ZNF543: variants seen among roughly 807,000 people sequenced by gnomAD.
ZNF543 encodes zinc finger protein 543.
ZNF543 carries 10 observed loss-of-function variants against 13.4 expected under a neutral mutation model. The ratio of observed to expected loss-of-function variants is 0.75; its 90% CI spans 0.46 to 1.26. The LOEUF (loss-of-function observed/expected upper bound fraction) is 1.26, where lower values mean the gene tolerates loss of function less well. Among genes scored for constraint, ZNF543 ranks in the 50% most tolerant of loss-of-function variants. ZNF543 has a pLI of 0.00. For synonymous variants in ZNF543, 272 were observed against 264.7 expected (o/e 1.03, Z -0.27); for missense variants, 768 against 741.2 (o/e 1.04, Z -0.42).
At chr19:57,326,236 G>A (rs1302079830) in intron 2 of ZNF543, among the ~76,000 whole-genome samples, 1 of 152,170 alleles carries the variant, frequency 6.6e-6, no homozygotes, top group Admixed American at 6.5e-5. Context: ...AGGCTGGAGT[G>A]CAGTGGCATG....
Position 57,329,112 on chromosome 19 carries a change from C to G in ZNF543, c.1650C>G (p.Leu550=). The G allele has an allele frequency of 6.2e-7, 1 of 1,614,220 alleles. No homozygotes were observed. The highest frequency in any genetic ancestry group is 8.5e-7 in the Non-Finnish European group (1 of 1,180,040). Residue 550 remains leucine (L), a synonymous_variant, in exon 4 of 4, where the codon CTC becomes CTG. Transcript: ENST00000321545. The part of the protein sequence containing the change: ...CGKAFNRGSS[L]THHQRIHTGR... ...AGGCTTTTAATCGCGGCTCATCCCT[C>G]ACACATCATCAAAGGATTCATACTG...
rs201305922 is a variant in ZNF543 at position 57,328,820 on chromosome 19, G to C, written c.1358G>C (p.Cys453Ser). 1 of 1,614,010 alleles carries C rather than the reference G, an allele frequency of 6.2e-7. No individual in the cohort carries two copies. Among genetic ancestry groups the C allele is most frequent in the East Asian group, 2.2e-5 (1 of 44,862 alleles). The change falls in exon 4 of 4, where the codon TGC (cysteine) becomes TCC (serine). Residue 453 changes from cysteine to serine, a missense_variant. Physicochemically the swap from Cys to Ser is moderately radical, Grantham distance 112 (BLOSUM62 -1). Coordinates refer to ENST00000321545, the MANE Select transcript of ZNF543 (RefSeq NM_213598.4). ...RTHTGEKPYE[C>S]KECGKAFSDR... ...CACACAGGAGAAAAACCCTATGAATGCAAAGAATGTGGAAAAGCCTTTAGT... is the reference window on the plus strand; with the variant it reads ...CACACAGGAGAAAAACCCTATGAATCCAAAGAATGTGGAAAAGCCTTTAGT...
At position 57,326,867 on chromosome 19, in the gene ZNF543, G is replaced by GC. The variant is rs869161724; in HGVS notation, c.241+148dup. The GC allele has an allele frequency of 8.4e-3, 764 of 91,446 alleles. 2 individuals carry two copies. Among genetic ancestry groups the GC allele is most frequent in the South Asian group, 0.02 (213 of 10,848 alleles). The allele number at this position is 91,446 out of a possible 1,614,324, so 5.7% of individuals were successfully genotyped here. A position where few individuals can be genotyped will look rare whatever the true frequency, so the allele number is the denominator to read the frequency against. On this transcript the variant is annotated intron_variant, in intron 3 of 3. Transcript: ENST00000321545. ...GGATCCATGGAGCCTCTCCCCGCCC[G>GC]CCCCCCCCCACCCGCCTTCAGACAG...
Position 57,329,073 on chromosome 19 carries a change from C to T in ZNF543, c.1611C>T (p.Cys537=), listed in dbSNP as rs1207721178. ...IIHTGEKPYE[C]SECGKAFNRG... ...ACACTGGAGAGAAGCCGTATGAATGCAGTGAGTGTGGAAAGGCTTTTAATC... is the reference window on the plus strand; with the variant it reads ...ACACTGGAGAGAAGCCGTATGAATGTAGTGAGTGTGGAAAGGCTTTTAATC... The change falls in exon 4 of 4, where the codon TGC becomes TGT. Residue 537 remains cysteine, a synonymous_variant. Coordinates refer to ENST00000321545, the MANE Select transcript of ZNF543 (RefSeq NM_213598.4). 2 of 1,614,068 alleles carry T rather than the reference C, an allele frequency of 1.2e-6. No individual in the cohort carries two copies. The highest frequency in any genetic ancestry group is 1.7e-5 in the Admixed American group (1 of 60,002).
At chr19:57,326,435 G>A (rs2088121132) in intron 2 of ZNF543, among the ~76,000 whole-genome samples, 198 bp from the exon 3 acceptor site, 1 of 152,250 alleles carries the variant, frequency 6.6e-6, no homozygotes, top group African/African-American at 2.4e-5. Context: ...CAAAGTGCTG[G>A]GATTACAGGC....
At chr19:57,321,308 G>A (rs2088088743) in intron 1 of ZNF543, among the ~76,000 whole-genome samples, 1 of 152,140 alleles carries the variant, frequency 6.6e-6, no homozygotes, top group South Asian at 2.1e-4. Context: ...ACTTCGCAGG[G>A]CCTCCCTCTC....
chr19:57,329,059 A>C lies in ZNF543; in HGVS notation c.1597A>C (p.Lys533Gln). The C allele has an allele frequency of 6.2e-7, 1 of 1,614,186 alleles. No individual in the cohort carries two copies. Among genetic ancestry groups the C allele is most frequent in the Non-Finnish European group, 8.5e-7 (1 of 1,180,038 alleles). Reference sequence around the variant, plus strand: ...ACACTCCATCATTCACACTGGAGAGAAGCCGTATGAATGCAGTGAGTGTGG... The same window carrying C: ...ACACTCCATCATTCACACTGGAGAGCAGCCGTATGAATGCAGTGAGTGTGG... ...IRHSIIHTGE[K>Q]PYECSECGKA... is the part of the protein sequence containing the mutation. The change falls in exon 4 of 4, where the codon AAG becomes CAG. Residue 533 changes from lysine to glutamine, a missense_variant. By Grantham distance (53) the Lys-to-Gln change is moderately conservative. Coordinates refer to ENST00000321545, the MANE Select transcript of ZNF543 (RefSeq NM_213598.4).
At chr19:57,326,222 G>T (rs1006224901) in intron 2 of ZNF543, among the ~76,000 whole-genome samples, 4 of 152,008 alleles carry the variant, frequency 2.6e-5, no homozygotes, top group Non-Finnish European at 5.9e-5. Flanking sequence ...CGCTCTTGTC[G>T]CCCAGGCTGG....
chr19:57,329,051 C>T lies in ZNF543; in HGVS notation c.1589C>T (p.Thr530Ile). 1.9e-6 allele frequency: 3 copies of T among 1,614,200 alleles called. No individual in the cohort carries two copies. Among genetic ancestry groups the T allele is most frequent in the Non-Finnish European group, 2.5e-6 (3 of 1,180,040 alleles). ...CTTATTCGACACTCCATCATTCACA[C>T]TGGAGAGAAGCCGTATGAATGCAGT... ...ANLIRHSIIH[T>I]GEKPYECSEC... Residue 530 changes from threonine to isoleucine, a missense_variant, in exon 4 of 4, where the codon ACT (threonine) becomes ATT (isoleucine). Physicochemically the swap from Thr to Ile is moderately conservative, Grantham distance 89. This residue lies in a region of ZNF543 where 677 missense variants were observed against 631.4 expected (regional missense o/e 1.07). Transcript: ENST00000321545.
chr19:57,329,543 C>T lies in ZNF543; in HGVS notation c.*278C>T, dbSNP rs535209849. The stretch of plus-strand genomic sequence containing the variant: ...TTTTTTTTTTTTTGAGACGGAGTCT[C>T]GCTCTGTCGCCCAGGCTGGAGTGCA... On this transcript the variant is annotated 3_prime_UTR_variant, in exon 4 of 4. Transcript: ENST00000321545. 28 of 278,196 alleles carry T rather than the reference C, an allele frequency of 1.0e-4. No individual in the cohort carries two copies. The highest frequency in any genetic ancestry group is 3.9e-4 in the Admixed American group (8 of 20,388). The allele number at this position is 278,196 out of a possible 1,614,324, so 17.2% of individuals were successfully genotyped here. A position where few individuals can be genotyped will look rare whatever the true frequency, so the allele number is the denominator to read the frequency against.
chr19:57,328,199 T>C lies in ZNF543; in HGVS notation c.737T>C (p.Leu246Pro). The C allele has an allele frequency of 6.2e-7, 1 of 1,614,050 alleles. No individual in the cohort carries two copies. The highest frequency in any genetic ancestry group is 8.5e-7 in the Non-Finnish European group (1 of 1,180,004). The change falls in exon 4 of 4, where the codon CTC becomes CCC. Residue 246 changes from leucine to proline, a missense_variant. Physicochemically the swap from Leu to Pro is moderately conservative, Grantham distance 98. Transcript: ENST00000321545. ...FSKSTHLLQHLIIHTGEKPYK... is the reference protein window; with the variant it reads ...FSKSTHLLQHPIIHTGEKPYK... The stretch of plus-strand genomic sequence containing the variant: ...AAGAGCACTCATCTTCTTCAGCACC[T>C]CATCATCCACACTGGGGAGAAGCCC...
intron 1 of ZNF543, among the ~76,000 whole-genome samples, chr19:57,322,974 AG>A (rs760706111): frequency 5.9e-5 from 9 of 152,142 alleles, no homozygotes; most frequent in Admixed American, 4.6e-4. Flanking sequence ...TGGCATGTAA[AG>A]CCATTAGCAT....
rs2088146803 is a variant in ZNF543, at chr19:57,329,174, C to G, written c.1712C>G (p.Pro571Arg). The change falls in exon 4 of 4, where the codon CCT becomes CGT. Residue 571 changes from proline (P) to arginine (R), a missense_variant. Physicochemically the swap from Pro to Arg is moderately radical, Grantham distance 103. Around this residue, in one of 3 missense-constraint regions of ZNF543, gnomAD observed 677 missense variants for 631.4 expected, o/e 1.07. Transcript: ENST00000321545. ...ACCATTGTAACAGATGTGGGAAGAC[C>G]TTTTATGACTGCACAGACTTCAGTC... ...NPTIVTDVGRPFMTAQTSVNI... is the reference protein window; with the variant it reads ...NPTIVTDVGRRFMTAQTSVNI... The G allele has an allele frequency of 2.5e-6, 4 of 1,614,094 alleles. No individual in the cohort carries two copies. The highest frequency in any genetic ancestry group is 3.4e-6 in the Non-Finnish European group (4 of 1,180,050).
At chr19:57,323,896 G>A in intron 2 of ZNF543, 88 bp downstream of exon 2, 1 of 1,519,562 alleles carries the variant, frequency 6.6e-7, no homozygotes, top group East Asian at 2.4e-5. Context: ...CTTGTTCTGA[G>A]GCTCCTGGCA....
chr19:57,328,334 C>G lies in ZNF543; in HGVS notation c.872C>G (p.Ala291Gly). 6.2e-7 allele frequency: 1 copy of G among 1,613,962 alleles called. No individual in the cohort carries two copies. The highest frequency in any genetic ancestry group is 1.1e-5 in the South Asian group (1 of 91,062). Reference sequence around the variant, plus strand: ...TATAAGTGCAGTGAATGTGGAAAGGCCTTCACCCACCGCTCCACTTTTGTC... The same window carrying G: ...TATAAGTGCAGTGAATGTGGAAAGGGCTTCACCCACCGCTCCACTTTTGTC... ...KPYKCSECGK[A>G]FTHRSTFVLH... Residue 291 changes from alanine (A) to glycine (G), a missense_variant, in exon 4 of 4, where the codon GCC (alanine) becomes GGC (glycine). By Grantham distance (60) the Ala-to-Gly change is moderately conservative. Around this residue, in one of 3 missense-constraint regions of ZNF543, gnomAD observed 677 missense variants for 631.4 expected, o/e 1.07. Coordinates refer to ENST00000321545, the MANE Select transcript of ZNF543 (RefSeq NM_213598.4).
chr19:57,324,978 A>G (rs2088112672), intron 2 of ZNF543, among the ~76,000 whole-genome samples: 1 of 152,196 alleles, frequency 6.6e-6, no homozygotes, highest in African/African-American at 2.4e-5. Flanking sequence ...TTATAGTTAC[A>G]TTGTATAAAT....
chr19:57,323,089 G>A (rs1267916632), intron 1 of ZNF543, among the ~76,000 whole-genome samples: 1 of 151,986 alleles, frequency 6.6e-6, no homozygotes, highest in South Asian at 2.1e-4. Flanking sequence ...TGATGTCTCA[G>A]AGCACTTACT....
chr19:57,328,124 A>T lies in ZNF543; in HGVS notation c.662A>T (p.His221Leu). 1 of 1,614,276 alleles carries T rather than the reference A, an allele frequency of 6.2e-7. No individual in the cohort carries two copies. Among genetic ancestry groups the T allele is most frequent in the Non-Finnish European group, 8.5e-7 (1 of 1,180,044 alleles). The change falls in exon 4 of 4, where the codon CAC becomes CTC. Residue 221 changes from histidine (H) to leucine (L), a missense_variant. His to Leu is a moderately conservative substitution (Grantham distance 99). Transcript: ENST00000321545. ...NALLVQHERI[H>L]TQVKPYECTE... ...CTCCTTGTTCAGCATGAACGGATTC[A>T]CACTCAAGTGAAGCCCTATGAATGC...
At position 57,329,209 on chromosome 19, in the gene ZNF543, G is replaced by T. The variant is rs1401526278; in HGVS notation, c.1747G>T (p.Glu583Ter). The change falls in exon 4 of 4, where the codon GAA becomes TAA. Residue 583 changes from glutamate (E) to a stop codon, truncating the protein, a stop_gained. Transcript: ENST00000321545. LOFTEE classifies it low-confidence loss of function (END_TRUNC). ...MTAQTSVNIQ[E>*]LLLGKEFLNI... ...TGCACAGACTTCAGTCAACATCCAG[G>T]AACTTTTATTAGGGAAAGAGTTTTT... 5.6e-6 allele frequency: 9 copies of T among 1,613,158 alleles called. No homozygotes were observed. The highest frequency in any genetic ancestry group is 7.6e-6 in the Non-Finnish European group (9 of 1,179,588).
Sources: gnomAD v4.1 joint callset for allele counts (sites outside exome capture counted in the v4.1 genomes callset) on GRCh38, gnomAD v4.1.1 for gene constraint, gnomAD v4.1.1 regional missense constraint, MANE v1.5 for transcripts, NCBI Gene and HGNC (gene_info 2026-07-23, HGNC 2026-07-21) for gene names.